The following SYT1 variants were observed in gnomAD, a reference collection of about 807,000 sequenced individuals.
SYT1 encodes synaptotagmin-1.
Under a neutral mutation model 44.8 loss-of-function variants are expected in SYT1, and 8 were observed. The ratio of observed to expected loss-of-function variants is 0.18; its 90% CI spans 0.10 to 0.32. The LOEUF (loss-of-function observed/expected upper bound fraction) is 0.32. Ranked by LOEUF, SYT1 falls within the 10% of genes least tolerant of loss-of-function variation. SYT1 has a pLI of 1.00. For synonymous variants in SYT1, 154 were observed against 188.8 expected (o/e 0.82, Z 1.51); for missense variants, 286 against 509.3 (o/e 0.56, Z 4.22).
intron 3 of SYT1, among the ~76,000 whole-genome samples, chr12:79,129,157 G>A (rs1298558879): frequency 6.6e-6 from 1 of 152,046 alleles, no homozygotes; most frequent in African/African-American, 2.4e-5. Context: ...GTTAACCAAA[G>A]GACTGCAATA....
chr12:79,380,670 G>A (rs1174711801), intron 9 of SYT1, among the ~76,000 whole-genome samples: 1 of 152,210 alleles, frequency 6.6e-6, no homozygotes, highest in African/African-American at 2.4e-5. Context: ...TTGCTGGCAT[G>A]AGCCATCATG....
At chr12:78,865,362 C>G (rs763443063) in intron 1 of SYT1, among the ~76,000 whole-genome samples, 2 of 152,094 alleles carry the variant, frequency 1.3e-5, no homozygotes, top group Non-Finnish European at 2.9e-5. Flanking sequence ...CTTCCTCTTT[C>G]CTTCTCTTGT....
chr12:79,124,802 C>CT (rs1313006425), intron 3 of SYT1, among the ~76,000 whole-genome samples: 2 of 151,824 alleles, frequency 1.3e-5, no homozygotes, highest in African/African-American at 2.4e-5. Context: ...TATCTCTACT[C>CT]TTTTTTTTAA....
chr12:79,124,603 C>A (rs1282010108), intron 3 of SYT1, among the ~76,000 whole-genome samples: 1 of 152,096 alleles, frequency 6.6e-6, no homozygotes, highest in Admixed American at 6.5e-5. Context: ...TCATCATCAC[C>A]ATTATCATCA....
At chr12:79,261,245 A>G (rs1877814470) in intron 4 of SYT1, among the ~76,000 whole-genome samples, 1 of 152,230 alleles carries the variant, frequency 6.6e-6, no homozygotes, top group Non-Finnish European at 1.5e-5. Context: ...CACTGCCTAC[A>G]AAACTTAATG....
chr12:79,213,211 T>C (rs931997151), intron 3 of SYT1, among the ~76,000 whole-genome samples: 51 of 152,180 alleles, frequency 3.4e-4, no homozygotes, highest in African/African-American at 1.1e-3. Context: ...GAAACTTCTC[T>C]TCAGTATATA....
intron 8 of SYT1, among the ~76,000 whole-genome samples, chr12:79,302,350 C>T (rs1034161762): frequency 2.0e-5 from 3 of 152,080 alleles, no homozygotes; most frequent in African/African-American, 7.2e-5. Context: ...TTAAATCAAA[C>T]CCACTGACAG....
intron 2 of SYT1, among the ~76,000 whole-genome samples, chr12:78,987,896 C>A (rs180793864): frequency 6.6e-6 from 1 of 152,014 alleles, no homozygotes; most frequent in Non-Finnish European, 1.5e-5. Context: ...ATACTATAGA[C>A]CAGTATCTCT....
intron 8 of SYT1, among the ~76,000 whole-genome samples, chr12:79,343,038 T>A (rs1001000512): frequency 1.5e-4 from 23 of 151,782 alleles, no homozygotes; most frequent in Admixed American, 1.3e-3. Flanking sequence ...AGACCAAGAG[T>A]GAGTGGCCAG....
chr12:79,245,664 G>A (rs1271897741), intron 4 of SYT1, among the ~76,000 whole-genome samples: 1 of 152,026 alleles, frequency 6.6e-6, no homozygotes, highest in African/African-American at 2.4e-5. Flanking sequence ...AAAGCAAGCT[G>A]TTCTGGGGAG....
chr12:79,333,810 A>G (rs1028455409), intron 8 of SYT1, among the ~76,000 whole-genome samples: 3 of 152,182 alleles, frequency 2.0e-5, no homozygotes, highest in African/African-American at 4.8e-5. Context: ...TTACATTATT[A>G]TTTATAAATC....
intron 1 of SYT1, among the ~76,000 whole-genome samples, chr12:78,895,602 C>A (rs957483723): frequency 6.6e-6 from 1 of 151,560 alleles, no homozygotes; most frequent in African/African-American, 2.4e-5. Flanking sequence ...ATATACTTAC[C>A]CATATGTAAA....
At chr12:79,000,257 A>G (rs1870644654) in intron 2 of SYT1, among the ~76,000 whole-genome samples, 1 of 152,010 alleles carries the variant, frequency 6.6e-6, no homozygotes, top group South Asian at 2.1e-4. Context: ...TGGTATTTAA[A>G]AATGACTTTT....
At chr12:79,073,551 G>C (rs998045976) in intron 3 of SYT1, among the ~76,000 whole-genome samples, 4 of 152,120 alleles carry the variant, frequency 2.6e-5, no homozygotes, top group Non-Finnish European at 4.4e-5. Flanking sequence ...AAGAAAGTGA[G>C]CATGTGGTCC....
At chr12:79,046,296 T>C (rs1874050648) in intron 2 of SYT1, 1 of 152,226 alleles carries the variant, frequency 6.6e-6, no homozygotes, top group African/African-American at 2.4e-5. Context: ...TATTAAAATA[T>C]TTTTGTAATT....
intron 2 of SYT1, among the ~76,000 whole-genome samples, chr12:79,044,840 T>C (rs1873884041): frequency 6.6e-6 from 1 of 151,708 alleles, no homozygotes; most frequent in Non-Finnish European, 1.5e-5. Flanking sequence ...TAGTTTTCCT[T>C]CTAACAGACA....
intron 3 of SYT1, among the ~76,000 whole-genome samples, chr12:79,178,775 A>G (rs1038700642): frequency 2.7e-5 from 4 of 150,020 alleles, no homozygotes; most frequent in African/African-American, 4.9e-5. Context: ...TTATTTATTT[A>G]TATTTATTTA....
chr12:79,021,439 A>G (rs560208433), intron 2 of SYT1, among the ~76,000 whole-genome samples: 1 of 151,926 alleles, frequency 6.6e-6, no homozygotes, highest in Non-Finnish European at 1.5e-5. Flanking sequence ...GTGATCCTCA[A>G]TTAAAATTGT....
chr12:79,160,189 A>G (rs1481641882), intron 3 of SYT1, among the ~76,000 whole-genome samples: 1 of 152,052 alleles, frequency 6.6e-6, no homozygotes, highest in African/African-American at 2.4e-5. Context: ...TGATGAGGTA[A>G]TGTCTTTAAG....
Sources: allele counts gnomAD v4.1 joint callset (sites outside exome capture counted in the v4.1 genomes callset), GRCh38; gene constraint gnomAD v4.1.1; transcripts MANE v1.5; gene names NCBI Gene and HGNC (gene_info 2026-07-23, HGNC 2026-07-21).